Variants in NTM observed in about 807,000 individuals in gnomAD.
NTM encodes the protein IgLON family member 2.
In NTM, 13 loss-of-function variants were observed where a neutral mutation model predicts 42.1. That is an observed-to-expected ratio of 0.31 (90% confidence interval 0.20 to 0.49). The LOEUF (loss-of-function observed/expected upper bound fraction) is 0.49, where lower values mean the gene tolerates loss of function less well. NTM is among the 20% of genes least tolerant of loss of function. The pLI, the probability that NTM is intolerant of heterozygous loss-of-function variation, is 0.99. For missense variants in NTM, 373 were observed against 452.8 expected (o/e 0.82, Z 1.60); for synonymous variants, 187 against 179.2 (o/e 1.04, Z -0.35).
chr11:131,884,743 G>A (rs2050117637), intron 1 of NTM, among the ~76,000 whole-genome samples: 1 of 152,182 alleles, frequency 6.6e-6, no homozygotes, highest in Non-Finnish European at 1.5e-5. Flanking sequence ...TCTTGAGCTG[G>A]TGATTGACAA....
intron 7 of NTM, among the ~76,000 whole-genome samples, chr11:132,319,235 C>A (rs568773022): frequency 1.3e-5 from 2 of 152,090 alleles, no homozygotes; most frequent in African/African-American, 4.8e-5. Context: ...ACTGAGGTAC[C>A]GGGTTCATCT....
chr11:131,446,415 A>G (rs1001310357), intron 1 of NTM, among the ~76,000 whole-genome samples: 11 of 152,048 alleles, frequency 7.2e-5, no homozygotes, highest in African/African-American at 2.7e-4. Flanking sequence ...TTCCTTTTAG[A>G]ATTTCCAAAA....
At chr11:131,995,064 T>G (rs1038076672) in intron 2 of NTM, among the ~76,000 whole-genome samples, 4 of 152,182 alleles carry the variant, frequency 2.6e-5, no homozygotes, top group African/African-American at 9.7e-5. Context: ...ACTGCCTGCC[T>G]TAGATCCCCC....
chr11:131,928,899 T>G (rs922339763), intron 2 of NTM, among the ~76,000 whole-genome samples: 2 of 152,252 alleles, frequency 1.3e-5, no homozygotes, highest in Non-Finnish European at 1.5e-5. Flanking sequence ...GTGAAAATCC[T>G]GCAAACAGCA....
At chr11:131,901,869 T>C (rs2053209828) in intron 1 of NTM, among the ~76,000 whole-genome samples, 1 of 152,218 alleles carries the variant, frequency 6.6e-6, no homozygotes, top group Non-Finnish European at 1.5e-5. Context: ...CACTCACAAG[T>C]TGCTCCTTCT....
chr11:131,402,189 G>C (rs1945314678), intron 1 of NTM, among the ~76,000 whole-genome samples: 1 of 151,666 alleles, frequency 6.6e-6, no homozygotes, highest in African/African-American at 2.4e-5. Flanking sequence ...TGTTATGGAT[G>C]CAACACCATG....
intron 4 of NTM, among the ~76,000 whole-genome samples, chr11:132,286,289 G>T (rs941207763): frequency 1.3e-5 from 2 of 152,148 alleles, no homozygotes; most frequent in South Asian, 2.1e-4. Context: ...GGCAGTGCAG[G>T]CTATTTCTGT....
Position 131,543,785 on chromosome 11 carries a change from C to A in NTM, c.82+172897C>A, listed in dbSNP as rs769648048. 3.3e-5 allele frequency among the ~76,000 whole-genome samples: 5 copies of A among 152,338 alleles called. No individual in the cohort carries two copies. In the South Asian group the frequency reaches 6.2e-4, roughly 19 times the overall value. ...CATCATCCTGGTAACAGTTGGTAAA[C>A]GAGTCCCAGTCTAGCCGCTTATGCA... On this transcript the variant is annotated intron_variant, in intron 1 of 8. Coordinates refer to ENST00000683400, the MANE Select transcript of NTM (RefSeq NM_001352005.2).
intron 1 of NTM, among the ~76,000 whole-genome samples, chr11:131,566,249 A>G (rs1174078220): frequency 6.6e-6 from 1 of 152,208 alleles, no homozygotes; most frequent in Non-Finnish European, 1.5e-5. Context: ...AGCTCAAATG[A>G]TGCTGCTAAG....
chr11:131,427,812 C>G (rs1948292307), intron 1 of NTM, among the ~76,000 whole-genome samples: 1 of 152,248 alleles, frequency 6.6e-6, no homozygotes, highest in Non-Finnish European at 1.5e-5. Flanking sequence ...GGCCTCCATC[C>G]TTGAAGTGCT....
intron 1 of NTM, among the ~76,000 whole-genome samples, chr11:131,684,154 A>G (rs1483647158): frequency 2.0e-5 from 3 of 152,126 alleles, no homozygotes; most frequent in African/African-American, 7.2e-5. Context: ...TGTGGGAGTG[A>G]AATGAGCTCC....
At chr11:132,233,723 A>G (rs968496576) in intron 4 of NTM, among the ~76,000 whole-genome samples, 1 of 152,184 alleles carries the variant, frequency 6.6e-6, no homozygotes, top group Admixed American at 6.5e-5. Context: ...GATATTTATT[A>G]TCTGGTCCTT....
At chr11:132,321,854 A>T (rs2095576157) in intron 7 of NTM, among the ~76,000 whole-genome samples, 1 of 149,942 alleles carries the variant, frequency 6.7e-6, no homozygotes, top group Non-Finnish European at 1.5e-5. Context: ...ACAAGCCAGA[A>T]GAGAGTGGGG....
intron 1 of NTM, among the ~76,000 whole-genome samples, chr11:131,568,108 C>T (rs1421607198): frequency 1.3e-5 from 2 of 152,214 alleles, no homozygotes; most frequent in Admixed American, 1.3e-4. Flanking sequence ...AAAATTCTCT[C>T]TGTTTCAGTG....
chr11:131,856,845 G>C (rs2046150814), intron 1 of NTM, among the ~76,000 whole-genome samples: 1 of 152,174 alleles, frequency 6.6e-6, no homozygotes, highest in Non-Finnish European at 1.5e-5. Context: ...TTACAGGCAA[G>C]GACGTTAAGG....
At chr11:131,893,544 G>A (rs1435559911) in intron 1 of NTM, among the ~76,000 whole-genome samples, 1 of 152,204 alleles carries the variant, frequency 6.6e-6, no homozygotes, top group East Asian at 1.9e-4. Context: ...TGGAGCAGAA[G>A]GCAGAAGACG....
chr11:132,002,289 T>A lies in NTM; in HGVS notation c.167+90641T>A, dbSNP rs987683689. Among the ~76,000 whole-genome samples the A allele has an allele frequency of 6.6e-6, 1 of 152,334 alleles. No homozygotes were observed. Among genetic ancestry groups the A allele is most frequent in the Non-Finnish European group, 1.5e-5 (1 of 68,028 alleles). ...TGGCAGCTTTACTGTACAAAAGCGA[T>A]GAAATTTAATAATTATTTAGTTATT... On this transcript the variant is annotated intron_variant, in intron 2 of 8. Coordinates refer to ENST00000683400, the MANE Select transcript of NTM (RefSeq NM_001352005.2). The surrounding 1 kb of genome is among the most constrained non-coding windows in gnomAD (Gnocchi z 4.5).
intron 4 of NTM, among the ~76,000 whole-genome samples, chr11:132,295,163 C>T (rs973277449): frequency 1.3e-5 from 2 of 152,102 alleles, no homozygotes; most frequent in African/African-American, 4.8e-5. Flanking sequence ...CACACAGACA[C>T]ACACGAGAAA....
intron 7 of NTM, among the ~76,000 whole-genome samples, chr11:132,316,987 TATC>T (rs1193154640): frequency 5.9e-5 from 9 of 152,290 alleles, no homozygotes; most frequent in South Asian, 2.1e-4. Flanking sequence ...GCAGCAAAAT[TATC>T]ATCATTTTGC....
Sources: allele counts gnomAD v4.1 joint callset (sites outside exome capture counted in the v4.1 genomes callset), GRCh38; gene constraint gnomAD v4.1.1; non-coding constraint Gnocchi (gnomAD v3.1); transcripts MANE v1.5; gene names NCBI Gene and HGNC (gene_info 2026-07-23, HGNC 2026-07-21).